The following CEMIP2 variants were observed in gnomAD, a reference collection of about 807,000 sequenced individuals.
CEMIP2 encodes cell surface hyaluronidase CEMIP2.
Under a neutral mutation model 146.9 loss-of-function variants are expected in CEMIP2, and 79 were observed. The ratio of observed to expected loss-of-function variants is 0.54; its 90% confidence interval spans 0.45 to 0.65. CEMIP2 has a LOEUF of 0.65. Ranked by LOEUF, CEMIP2 falls within the 30% of genes least tolerant of loss-of-function variation. The pLI is 0.00. For missense variants in CEMIP2, 1,596 were observed against 1,696.2 expected (o/e 0.94, Z 1.04); for synonymous variants, 601 against 606.3 (o/e 0.99, Z 0.13).
intron 13 of CEMIP2, among the ~76,000 whole-genome samples, chr9:71,717,658 A>G (rs1823104434): frequency 6.6e-6 from 1 of 152,206 alleles, no homozygotes. Flanking sequence ...TAGCGCTCTG[A>G]CATAGACCAT....
At chr9:71,694,708 T>C (rs1008735229) in intron 20 of CEMIP2, 101 bp from the exon 21 acceptor site, 5 of 737,262 alleles carry the variant, frequency 6.8e-6, no homozygotes, top group Non-Finnish European at 1.2e-5. Context: ...TGGTTGTATT[T>C]CTTATTCTGA....
At chr9:71,691,069 T>C (rs1008677581) in intron 21 of CEMIP2, among the ~76,000 whole-genome samples, 1 of 152,226 alleles carries the variant, frequency 6.6e-6, no homozygotes, top group African/African-American at 2.4e-5. Flanking sequence ...CACCTGTCCA[T>C]GCCTGGGGAA....
chr9:71,741,853 C>T lies in CEMIP2; in HGVS notation c.1035-1621G>A, dbSNP rs142846175. On this transcript the variant is annotated intron_variant, in intron 4 of 23. Transcript: ENST00000377044. ...TAGAGACAGGGTTTCACCATGTTGG[C>T]CAAGCTGGTCTCGCACTCCTGCCCT... Among the ~76,000 whole-genome samples the T allele has an allele frequency of 4.7e-3, 712 of 151,836 alleles. 12 individuals carry two copies. The highest frequency in any genetic ancestry group is 0.016 in the African/African-American group (673 of 41,412).
chr9:71,720,835 G>C (rs530020934), intron 12 of CEMIP2, among the ~76,000 whole-genome samples: 1 of 152,126 alleles, frequency 6.6e-6, no homozygotes, highest in East Asian at 1.9e-4. Context: ...ACTTCCAAAT[G>C]GAGTCCAATT....
At chr9:71,756,580 A>G (rs1824468854) in intron 1 of CEMIP2, among the ~76,000 whole-genome samples, 2 of 151,570 alleles carry the variant, frequency 1.3e-5, no homozygotes, top group African/African-American at 4.8e-5. Flanking sequence ...GAAATTTCCT[A>G]TTTAATCCTT....
In CEMIP2 at chr9:71,745,001, G is replaced by A. The variant is rs759256815; in HGVS notation, c.1034+17C>T. On this transcript the variant is annotated intron_variant, in intron 4 of 23. Transcript: ENST00000377044. ...GACACGGACTCTGATAGGGATCTGG[G>A]AAGAAGGTATGCCTACCTGTAGCCC... 6.2e-7 allele frequency: 1 copy of A among 1,605,916 alleles called. No homozygotes were observed. Among genetic ancestry groups the A allele is most frequent in the Non-Finnish European group, 8.5e-7 (1 of 1,176,420 alleles).
At chr9:71,725,475 G>A (rs1823355431) in intron 11 of CEMIP2, 106 bp downstream of exon 11, 1 of 1,238,490 alleles carries the variant, frequency 8.1e-7, no homozygotes, top group Non-Finnish European at 1.1e-6. Context: ...TAACTAGTCT[G>A]TGATATTCTA....
Position 71,730,960 on chromosome 9 carries a change from G to A in CEMIP2, c.1564-46C>T, listed in dbSNP as rs1223706522. On this transcript the variant is annotated intron_variant, in intron 7 of 23. Coordinates refer to ENST00000377044, the MANE Select transcript of CEMIP2 (RefSeq NM_013390.3). ...ATCAAACTCATACTTTTCAGAATAG[G>A]GAAGTAGCAAAAAATATTGTTCTAG... The A allele has an allele frequency of 3.4e-6, 5 of 1,490,362 alleles. No individual in the cohort carries two copies. In the Admixed American group the frequency reaches 6.8e-5, roughly 20 times the overall value. The allele number at this position is 1,490,362 out of a possible 1,614,324, so 92.3% of individuals were successfully genotyped here.
intron 1 of CEMIP2, among the ~76,000 whole-genome samples, chr9:71,766,209 C>CA (rs1296791715): frequency 6.6e-6 from 1 of 151,868 alleles, no homozygotes; most frequent in African/African-American, 2.4e-5. Context: ...GCTGGGATTA[C>CA]AGGCGTGCAC....
intron 5 of CEMIP2, among the ~76,000 whole-genome samples, chr9:71,738,039 T>A (rs2131986269): frequency 1.3e-5 from 2 of 152,250 alleles, no homozygotes; most frequent in East Asian, 3.9e-4. Context: ...AATTTAAAGC[T>A]AATCTAATTC....
At chr9:71,738,021 G>C (rs17567392) in intron 5 of CEMIP2, among the ~76,000 whole-genome samples, 10,732 of 152,066 alleles carry the variant, frequency 0.071, 542 homozygotes, top group South Asian at 0.19. Context: ...AAATATGGTA[G>C]AGCCCCCAAT....
chr9:71,685,134 G>T lies in CEMIP2; in HGVS notation c.*63C>A. ...TGGGTTAACAGTGTCATTTTAAAAT[G>T]CCATAAATTAAATAAGTTAGTTCAC... On this transcript the variant is annotated 3_prime_UTR_variant, in exon 24 of 24. Transcript: ENST00000377044. The T allele has an allele frequency of 7.0e-7, 1 of 1,429,700 alleles. No individual in the cohort carries two copies. Among genetic ancestry groups the T allele is most frequent in the South Asian group, 1.5e-5 (1 of 65,888 alleles). The allele number at this position is 1,429,700 out of a possible 1,614,324, so 88.6% of individuals were successfully genotyped here.
At chr9:71,695,399 G>C (rs941583730) in intron 20 of CEMIP2, among the ~76,000 whole-genome samples, 1 of 152,172 alleles carries the variant, frequency 6.6e-6, no homozygotes, top group African/African-American at 2.4e-5. Context: ...AATCAGCCGG[G>C]CATGGTAGTT....
At chr9:71,738,250 T>C (rs189125943) in intron 5 of CEMIP2, among the ~76,000 whole-genome samples, 10,742 of 152,212 alleles carry the variant, frequency 0.071, 531 homozygotes, top group South Asian at 0.19. Context: ...AATGCAACCA[T>C]GCCTGTCATC....
intron 4 of CEMIP2, among the ~76,000 whole-genome samples, chr9:71,743,171 C>T (rs968255784): frequency 7.2e-5 from 11 of 151,958 alleles, no homozygotes; most frequent in African/African-American, 2.7e-4. Flanking sequence ...ATAACATTGT[C>T]GGCTTCCATT....
intron 18 of CEMIP2, among the ~76,000 whole-genome samples, chr9:71,703,355 A>G (rs1161863364): frequency 6.6e-6 from 1 of 152,206 alleles, no homozygotes; most frequent in Non-Finnish European, 1.5e-5. Context: ...AGCAAGGATT[A>G]CAGGAAAACA....
Position 71,750,297 on chromosome 9 carries a change from C to G in CEMIP2, c.77G>C (p.Gly26Ala). ...PQNGNSRHPS[G>A]YVPGKVVPLR... ...TGGGACAACCTTCCCTGGAACATAG[C>G]CAGATGGGTGACGACTATTTCCATT... Residue 26 changes from glycine (G) to alanine (A), a missense_variant, in exon 2 of 24, where the codon GGC becomes GCC. Gly to Ala is a moderately conservative substitution (Grantham distance 60). Coordinates refer to ENST00000377044, the MANE Select transcript of CEMIP2 (RefSeq NM_013390.3). 6.2e-7 allele frequency: 1 copy of G among 1,613,710 alleles called. No individual in the cohort carries two copies. Among genetic ancestry groups the G allele is most frequent in the East Asian group, 2.2e-5 (1 of 44,694 alleles).
At chr9:71,767,776 A>G (rs1332191435) in intron 1 of CEMIP2, among the ~76,000 whole-genome samples, 1 of 152,170 alleles carries the variant, frequency 6.6e-6, no homozygotes, top group African/African-American at 2.4e-5. Flanking sequence ...GCTGTACACG[A>G]TTTTAAAGCC....
Position 71,730,104 on chromosome 9 carries a change from G to A in CEMIP2, c.1923C>T (p.Thr641=). The change falls in exon 9 of 24, where the codon ACC becomes ACT. Residue 641 remains threonine (T), a synonymous_variant. Coordinates refer to ENST00000377044, the MANE Select transcript of CEMIP2 (RefSeq NM_013390.3). ...LPTDRNNSMC[T]TMRDKVFGNY... ...TTCCAAACACTTTATCTCGCATGGT[G>A]GTACACATGGAGTTGTTCCTATCGG... is the stretch of plus-strand genomic sequence containing the variant. 6.2e-7 allele frequency: 1 copy of A among 1,614,140 alleles called. No individual in the cohort carries two copies. Among genetic ancestry groups the A allele is most frequent in the Non-Finnish European group, 8.5e-7 (1 of 1,180,040 alleles).
Sources: gnomAD v4.1 joint callset for allele counts (sites outside exome capture counted in the v4.1 genomes callset) on GRCh38, gnomAD v4.1.1 for gene constraint, MANE v1.5 for transcripts, NCBI Gene and HGNC (gene_info 2026-07-23, HGNC 2026-07-21) for gene names.